Variants in PLCE1 observed in about 807,000 individuals in gnomAD.
PLCE1 encodes the protein phospholipase C epsilon 1.
A neutral mutation model predicts 242.8 loss-of-function variants in PLCE1; 119 were observed. The observed-to-expected ratio is 0.49, with a 90% CI of 0.42 to 0.57. The LOEUF (loss-of-function observed/expected upper bound fraction) is 0.57, where lower values mean the gene tolerates loss of function less well. PLCE1 is among the 20% of genes least tolerant of loss of function. PLCE1 has a pLI of 0.00. For synonymous variants in PLCE1, 945 were observed against 1,017.4 expected, an observed-to-expected ratio of 0.93 and a Z score of 1.35; for missense variants, 2,441 against 2,788.8, an observed-to-expected ratio of 0.88 and a Z score of 2.81.
At chr10:94,050,148 T>A (rs926161387) in intron 2 of PLCE1, among the ~76,000 whole-genome samples, 2 of 152,146 alleles carry the variant, frequency 1.3e-5, no homozygotes, top group African/African-American at 4.8e-5. Flanking sequence ...TATTAGTCCA[T>A]TTTCACACTG....
At chr10:94,150,614 T>A (rs1341715200) in intron 3 of PLCE1, among the ~76,000 whole-genome samples, 1 of 152,248 alleles carries the variant, frequency 6.6e-6, no homozygotes, top group African/African-American at 2.4e-5. Context: ...TATTCTGCTG[T>A]ATCATCTCCT....
At position 94,298,797 on chromosome 10, in the gene PLCE1, T is replaced by G; in HGVS notation, c.5458+128T>G. ...ACCATATGTGAGAGTAAAAATATGA[T>G]GATGGAAAACAGAAGTGAATTTGAT... On this transcript the variant is annotated intron_variant, in intron 24 of 32. Coordinates refer to ENST00000371380, the MANE Select transcript of PLCE1 (RefSeq NM_016341.4). The surrounding 1 kb of genome is among the most constrained non-coding windows in gnomAD (Gnocchi z 5.2). 1 of 946,736 alleles carries G rather than the reference T, an allele frequency of 1.1e-6. No homozygotes were observed. The highest frequency in any genetic ancestry group is 2.4e-5 in the East Asian group (1 of 41,676). The allele number at this position is 946,736 out of a possible 1,614,324, so 58.6% of individuals were successfully genotyped here.
At chr10:94,291,033 G>A (rs1268786477) in intron 22 of PLCE1, among the ~76,000 whole-genome samples, 1 of 152,168 alleles carries the variant, frequency 6.6e-6, no homozygotes, top group Non-Finnish European at 1.5e-5. Context: ...TTGCTATATG[G>A]CTAATGACTG....
chr10:94,306,048 T>C lies in PLCE1; in HGVS notation c.5623-379T>C, dbSNP rs1276988269. ...GTACAGTGGCGTGATCTCAGCTCAC[T>C]GCAACCTCTGCTTCCTGGGTTCAAG... On this transcript the variant is annotated intron_variant, in intron 25 of 32. Transcript: ENST00000371380. This position sits in a 1 kb window ranked among gnomAD's most constrained non-coding sequence, Gnocchi z 5.7. Among the ~76,000 whole-genome samples the C allele has an allele frequency of 1.3e-5, 2 of 151,986 alleles. No homozygotes were observed. The highest frequency in any genetic ancestry group is 2.9e-5 in the Non-Finnish European group (2 of 68,008).
chr10:94,254,581 T>C (rs569318225), intron 10 of PLCE1, among the ~76,000 whole-genome samples: 1 of 152,312 alleles, frequency 6.6e-6, no homozygotes, highest in Admixed American at 6.5e-5. Context: ...CTTGGCTGCA[T>C]ATTAGAGCTT....
chr10:94,162,849 T>C (rs1363676787), intron 3 of PLCE1, among the ~76,000 whole-genome samples: 1 of 152,188 alleles, frequency 6.6e-6, no homozygotes, highest in Non-Finnish European at 1.5e-5. Context: ...GATTCTGGTA[T>C]GTTGTGTCTT....
intron 2 of PLCE1, among the ~76,000 whole-genome samples, chr10:94,103,818 C>T (rs767378732): frequency 9.3e-5 from 14 of 150,370 alleles, no homozygotes; most frequent in African/African-American, 2.3e-4. Flanking sequence ...AAAATGGGTT[C>T]GAATAACTCA....
intron 24 of PLCE1, among the ~76,000 whole-genome samples, chr10:94,300,690 T>C (rs1197582153): frequency 6.6e-6 from 1 of 152,224 alleles, no homozygotes; most frequent in African/African-American, 2.4e-5. Flanking sequence ...TCAGCCCCAC[T>C]GCAATATGAA....
At chr10:94,073,265 A>G (rs1437967171) in intron 2 of PLCE1, among the ~76,000 whole-genome samples, 1 of 152,048 alleles carries the variant, frequency 6.6e-6, no homozygotes, top group African/African-American at 2.4e-5. Context: ...ATAGACTAGC[A>G]TAGTATACTA....
chr10:94,033,762 C>A lies in PLCE1; in HGVS notation c.1206+1510C>A, dbSNP rs545625498. On this transcript the variant is annotated intron_variant, in intron 2 of 32. Transcript: ENST00000371380. The stretch of plus-strand genomic sequence containing the variant: ...TTATCCTGAAAACTCTTGCTTCCTT[C>A]AGTCATTCTCTATGTGAAACTGTTT... 5.8e-4 allele frequency among the ~76,000 whole-genome samples: 88 copies of A among 152,272 alleles called. 2 individuals are homozygous for A. The highest frequency in any genetic ancestry group is 2.9e-3 in the Admixed American group (44 of 15,274).
chr10:94,276,970 G>T (rs2051977502), intron 19 of PLCE1, among the ~76,000 whole-genome samples: 1 of 152,056 alleles, frequency 6.6e-6, no homozygotes, highest in Admixed American at 6.6e-5. Flanking sequence ...GTAGATCATG[G>T]GTCTAGACCT....
At chr10:94,294,370 A>G (rs1488083778) in intron 23 of PLCE1, among the ~76,000 whole-genome samples, 1 of 152,140 alleles carries the variant, frequency 6.6e-6, no homozygotes, top group Non-Finnish European at 1.5e-5. Flanking sequence ...TTTCCACTCA[A>G]TGTCCTGGTG....
At chr10:94,128,882 C>T (rs1306824179) in intron 2 of PLCE1, among the ~76,000 whole-genome samples, 1 of 152,222 alleles carries the variant, frequency 6.6e-6, no homozygotes, top group Non-Finnish European at 1.5e-5. Context: ...CCCCATCTAA[C>T]AGTAGAAGAT....
At chr10:94,291,928 C>A (rs2052659895) in intron 22 of PLCE1, among the ~76,000 whole-genome samples, 2 of 152,256 alleles carry the variant, frequency 1.3e-5, no homozygotes, top group Admixed American at 1.3e-4. Context: ...TTCTTCCCCT[C>A]CCCATCCCAA....
At position 94,259,106 on chromosome 10, in the gene PLCE1, A is replaced by C; in HGVS notation, c.3770A>C (p.Asn1257Thr). 1 of 1,613,886 alleles carries C rather than the reference A, an allele frequency of 6.2e-7. No individual in the cohort carries two copies. The highest frequency in any genetic ancestry group is 8.5e-7 in the Non-Finnish European group (1 of 1,179,926). ...TCCGAGTCAGCCCCACTCTACACCA[A>C]CCTGACAATTGATGAAAACACCAGC... ...SGSESAPLYT[N>T]LTIDENTSDL... The change falls in exon 13 of 33, where the codon AAC becomes ACC. Residue 1257 changes from asparagine (N) to threonine (T), a missense_variant. Transcript: ENST00000371380.
intron 2 of PLCE1, among the ~76,000 whole-genome samples, chr10:94,106,912 T>TTTTCTCTCTCTCTCTCTCTCTCTCTCTC (rs2045756641): frequency 7.7e-5 from 3 of 38,770 alleles, no homozygotes; most frequent in African/African-American, 2.4e-4. Flanking sequence ...TGTCTCTTGT[T>TTTTCTCTCTCTCTCTCTCTCTCTCTCTC]TCTCTCTCTC....
At chr10:94,086,403 C>T (rs913442792) in intron 2 of PLCE1, among the ~76,000 whole-genome samples, 3 of 152,158 alleles carry the variant, frequency 2.0e-5, no homozygotes, top group Non-Finnish European at 2.9e-5. Context: ...ATTACATCCA[C>T]CCTTTAAAGA....
chr10:94,171,416 G>T lies in PLCE1; in HGVS notation c.1729G>T (p.Ala577Ser), dbSNP rs141639885. The change falls in exon 4 of 33, where the codon GCA (alanine) becomes TCA (serine). Residue 577 changes from alanine (A) to serine (S), a missense_variant. Around this residue, in one of 5 missense-constraint regions of PLCE1, gnomAD observed 733 missense variants for 754.2 expected, o/e 0.97. Transcript: ENST00000371380. ...CCAGAGCTCCTTGCCCTGCCTCAAA[G>T]CATCCATCTCAGCGTCGATTCTTAC... ...ECQSSLPCLK[A>S]SISASILTTQ... 1 of 1,614,184 alleles carries T rather than the reference G, an allele frequency of 6.2e-7. No individual in the cohort carries two copies. The highest frequency in any genetic ancestry group is 2.2e-5 in the East Asian group (1 of 44,882).
rs1210582619 is a variant in PLCE1 at position 94,246,389 on chromosome 10, CTG to C, written c.2872_2873del (p.Val958SerfsTer6). 1 of 1,614,048 alleles carries C rather than the reference CTG, an allele frequency of 6.2e-7. No individual in the cohort carries two copies. The highest frequency in any genetic ancestry group is 1.3e-5 in the African/African-American group (1 of 74,938). On this transcript the variant is annotated frameshift_variant, in exon 8 of 33. Coordinates refer to ENST00000371380, the MANE Select transcript of PLCE1 (RefSeq NM_016341.4). LOFTEE classifies it high-confidence loss of function. ...GGCCACCCTGGCATTGATATACACA[CTG>C]TGTGTGTTCAGAACAAACTGGGTAG...
Sources: allele counts gnomAD v4.1 joint callset (sites outside exome capture counted in the v4.1 genomes callset), GRCh38; gene constraint gnomAD v4.1.1; regional missense constraint gnomAD v4.1.1; non-coding constraint Gnocchi (gnomAD v3.1); transcripts MANE v1.5; gene names NCBI Gene and HGNC (gene_info 2026-07-23, HGNC 2026-07-21).